PRC1: variants seen among roughly 807,000 people sequenced by gnomAD.
PRC1 encodes protein regulator of cytokinesis 1, also known as anaphase spindle elongation 1 homolog.
PRC1 carries 54 observed loss-of-function variants against 91.2 expected under a neutral mutation model. The ratio of observed to expected loss-of-function variants is 0.59; its 90% confidence interval spans 0.48 to 0.74. The LOEUF is 0.74. Ranked by LOEUF, PRC1 falls within the 30% of genes least tolerant of loss-of-function variation. The probability of loss-of-function intolerance (pLI) is 0.00; values close to 1 mark genes in which losing one functional copy is unlikely to be tolerated. For missense variants in PRC1, 727 were observed against 746.2 expected (o/e 0.97, Z 0.30); for synonymous variants, 275 against 263.6 (o/e 1.04, Z -0.42).
rs1230994920 is a variant in PRC1 at position 90,969,437 on chromosome 15, G to A, written c.1749+10C>T. The stretch of plus-strand genomic sequence containing the variant: ...CCAGAGACTGGTAGATATTAGAAAA[G>A]GTGAATTACCGCAAACTCAGAATAG... On this transcript the variant is annotated intron_variant, in intron 13 of 14. Transcript: ENST00000394249. The A allele has an allele frequency of 6.3e-7, 1 of 1,583,200 alleles. No homozygotes were observed.
intron 1 of PRC1, among the ~76,000 whole-genome samples, chr15:90,985,026 T>C (rs951521960): frequency 2.0e-5 from 3 of 152,166 alleles, no homozygotes; most frequent in East Asian, 1.9e-4. Context: ...CAAGATTTCA[T>C]ATCATATTAC....
At position 90,966,875 on chromosome 15, in the gene PRC1, C is replaced by T; in HGVS notation, c.*256G>A. The T allele has an allele frequency of 1.9e-6, 1 of 540,388 alleles. No homozygotes were observed. The highest frequency in any genetic ancestry group is 2.1e-5 in the South Asian group (1 of 47,588). 33.5% of individuals were successfully genotyped at this position (540,388 alleles called of 1,614,324 possible). On this transcript the variant is annotated 3_prime_UTR_variant, in exon 15 of 15. Transcript: ENST00000394249. ...GAATTATGTGGTAGAGAAGTCAGGC[C>T]CCATATGCTAAAATTTGCACTTCTT...
In PRC1 at chr15:90,981,657, C is replaced by G. The variant is rs2039205153; in HGVS notation, c.514G>C (p.Glu172Gln). The part of the protein sequence containing the change: ...TLRETKASRR[E>Q]EFVSIKRQII... ...TGTCTCTTTATACTGACAAACTCCT[C>G]ACGCCTAGAAGCCTTTAAAACAAAG... is the stretch of plus-strand genomic sequence containing the variant. Residue 172 changes from glutamate (E) to glutamine (Q), a missense_variant, in exon 5 of 15, where the codon GAG (glutamate) becomes CAG (glutamine). Transcript: ENST00000394249. 1.2e-6 allele frequency: 2 copies of G among 1,613,924 alleles called. No homozygotes were observed. Among genetic ancestry groups the G allele is most frequent in the African/African-American group, 2.7e-5 (2 of 74,934 alleles).
chr15:90,993,635 T>C (rs992636442), intron 1 of PRC1, among the ~76,000 whole-genome samples: 7 of 152,184 alleles, frequency 4.6e-5, no homozygotes, highest in Non-Finnish European at 8.8e-5. Context: ...CACCGTCTGG[T>C]CCCGATTTCA....
rs760759808 is a variant in PRC1 at position 90,981,599 on chromosome 15, G to T, written c.572C>A (p.Thr191Asn). The part of the protein sequence containing the change: ...IILCMEALDH[T>N]PDTSFERDVV... ...ATCTCTTTCAAAGCTTGTGTCTGGG[G>T]TGTGGTCTAATGCTTCCATACACAG... is the stretch of plus-strand genomic sequence containing the variant. Residue 191 changes from threonine to asparagine, a missense_variant, in exon 5 of 15, where the codon ACC becomes AAC. Physicochemically the swap from Thr to Asn is moderately conservative, Grantham distance 65. Coordinates refer to ENST00000394249, the MANE Select transcript of PRC1 (RefSeq NM_003981.4). 6.2e-7 allele frequency: 1 copy of T among 1,613,908 alleles called. No individual in the cohort carries two copies. The highest frequency in any genetic ancestry group is 1.1e-5 in the South Asian group (1 of 91,084).
chr15:90,979,089 G>A, intron 8 of PRC1, 69 bp downstream of exon 8: 4 of 1,523,280 alleles, frequency 2.6e-6, no homozygotes, highest in Non-Finnish European at 3.5e-6. Context: ...AAAGAACAAA[G>A]CTAACTGGAT....
At chr15:90,979,644 A>T (rs182315761) in intron 7 of PRC1, among the ~76,000 whole-genome samples, 66 of 152,330 alleles carry the variant, frequency 4.3e-4, no homozygotes, top group African/African-American at 1.5e-3. Context: ...ACATCTGTTG[A>T]ATTTAGTTGG....
At chr15:90,978,353 G>A (rs952750264) in intron 8 of PRC1, among the ~76,000 whole-genome samples, 1 of 152,186 alleles carries the variant, frequency 6.6e-6, no homozygotes, top group African/African-American at 2.4e-5. Flanking sequence ...TCACCAGCAG[G>A]TGACAGAGCA....
rs75192360 is a variant in PRC1, at chr15:90,975,821, C to T, written c.1203+855G>A. 4.0e-3 allele frequency among the ~76,000 whole-genome samples: 615 copies of T among 151,978 alleles called. 8 individuals are homozygous for T. The highest frequency in any genetic ancestry group is 0.014 in the African/African-American group (571 of 41,450). On this transcript the variant is annotated intron_variant, in intron 9 of 14. Transcript: ENST00000394249. ...CAACACAGCGAGACCCCATCTCTTG[C>T]GGGGGGAAAAAAGAAAGAATTAAGT...
rs921780164 is a variant in PRC1 at position 90,970,393 on chromosome 15, G to A, written c.1572+11C>T. 4 of 1,567,622 alleles carry A rather than the reference G, an allele frequency of 2.6e-6. No individual in the cohort carries two copies. Among genetic ancestry groups the A allele is most frequent in the Non-Finnish European group, 2.6e-6 (3 of 1,138,150 alleles). On this transcript the variant is annotated intron_variant, in intron 12 of 14. Transcript: ENST00000394249. ...CATGTGAGGATGTGCTTAGACACAG[G>A]GCATACTAACCTTGCTGCCAGAAGG...
rs1186419876 is a variant in PRC1 at position 90,990,365 on chromosome 15, AAAAT to A, written c.11+4038_11+4041del. On this transcript the variant is annotated intron_variant, in intron 1 of 14. Coordinates refer to ENST00000394249, the MANE Select transcript of PRC1 (RefSeq NM_003981.4). ...AATAAAATAAAATAAAATAAAAAAT[AAAAT>A]AAATAAATAAATAAATAAATAATTT... Among the ~76,000 whole-genome samples the A allele has an allele frequency of 4.4e-4, 64 of 146,788 alleles. No homozygotes were observed. The East Asian group carries it at 7.3e-3, about 17-fold the overall frequency.
At position 90,974,785 on chromosome 15, in the gene PRC1, C is replaced by T. The variant is rs2038525312; in HGVS notation, c.1204-54G>A. 1 of 1,595,360 alleles carries T rather than the reference C, an allele frequency of 6.3e-7. No homozygotes were observed. Among genetic ancestry groups the T allele is most frequent in the African/African-American group, 1.3e-5 (1 of 74,594 alleles). On this transcript the variant is annotated intron_variant, in intron 9 of 14. Transcript: ENST00000394249. This position sits in a 1 kb window ranked among gnomAD's most constrained non-coding sequence, Gnocchi z 4.6. ...TACTTCAACTCTTTAGTGCAAAGCC[C>T]AAATGAAATGATTTCCCTAGAGAGT...
In PRC1 at chr15:90,976,733, T is replaced by C; in HGVS notation, c.1146A>G (p.Gly382=). 6.2e-7 allele frequency: 1 copy of C among 1,613,896 alleles called. No individual in the cohort carries two copies. The highest frequency in any genetic ancestry group is 1.1e-5 in the South Asian group (1 of 91,048). ...GTTTTTCTTCTTTTAGAAGATTTCC[T>C]CCTCGGTTTGTAAATCGATTTGGAT... ...ASDPNRFTNR[G]GNLLKEEKQR... is the part of the protein sequence containing the mutation. Residue 382 remains glycine, a synonymous_variant, in exon 9 of 15, where the codon GGA becomes GGG. Coordinates refer to ENST00000394249, the MANE Select transcript of PRC1 (RefSeq NM_003981.4).
intron 9 of PRC1, among the ~76,000 whole-genome samples, chr15:90,975,063 G>A (rs2038551938): frequency 6.6e-6 from 1 of 152,160 alleles, no homozygotes; most frequent in African/African-American, 2.4e-5. Flanking sequence ...GACTTAATGG[G>A]GTTCAATCTG....
chr15:90,982,116 T>A, intron 3 of PRC1, 135 bp from the exon 4 acceptor site: 1 of 814,138 alleles, frequency 1.2e-6, no homozygotes, highest in Non-Finnish European at 2.0e-6. Context: ...GTCAACAGAA[T>A]ATGGCACAAA....
chr15:90,991,311 G>C (rs2039968970), intron 1 of PRC1, among the ~76,000 whole-genome samples: 1 of 151,672 alleles, frequency 6.6e-6, no homozygotes, highest in East Asian at 2.0e-4. Context: ...AGATACTCAG[G>C]AGGCTGAGGC....
Position 90,969,615 on chromosome 15 carries a change from A to T in PRC1, c.1581T>A (p.Ala527=). ...TTTTCTTCCCTGAACAGGTGGAAGC[A>T]GCGACTGGCTGCAGAGAAAGGAAAG... ...RLPPSGSKPV[A]ASTCSGKKTP... is the part of the protein sequence containing the mutation. The change falls in exon 13 of 15, where the codon GCT becomes GCA. Residue 527 remains alanine, a synonymous_variant. Coordinates refer to ENST00000394249, the MANE Select transcript of PRC1 (RefSeq NM_003981.4). The T allele has an allele frequency of 6.3e-7, 1 of 1,595,356 alleles. No homozygotes were observed. The highest frequency in any genetic ancestry group is 1.3e-5 in the African/African-American group (1 of 74,100).
Position 90,974,698 on chromosome 15 carries a change from A to C in PRC1, c.1237T>G (p.Trp413Gly). ...EEELKARIEL[W>G]EQEHSKAFMV... is the part of the protein sequence containing the mutation. Reference sequence around the variant, plus strand: ...AATGCCTTTGAATGTTCCTGTTCCCACAATTCAATTCGTGCCTTCAACTCT... The same window carrying C: ...AATGCCTTTGAATGTTCCTGTTCCCCCAATTCAATTCGTGCCTTCAACTCT... The change falls in exon 10 of 15, where the codon TGG becomes GGG. Residue 413 changes from tryptophan (W) to glycine (G), a missense_variant. Physicochemically the swap from Trp to Gly is radical, Grantham distance 184. Transcript: ENST00000394249. This position sits in a 1 kb window ranked among gnomAD's most constrained non-coding sequence, Gnocchi z 4.6. 1 of 1,614,222 alleles carries C rather than the reference A, an allele frequency of 6.2e-7. No individual in the cohort carries two copies. The highest frequency in any genetic ancestry group is 8.5e-7 in the Non-Finnish European group (1 of 1,180,048).
At chr15:90,980,181 G>A in intron 7 of PRC1, 61 bp downstream of exon 7, 6 of 1,482,934 alleles carry the variant, frequency 4.0e-6, no homozygotes, top group Non-Finnish European at 4.5e-6. Flanking sequence ...AGACTAGGCT[G>A]GGCAACAGAG....
Sources: gnomAD v4.1 joint callset for allele counts (sites outside exome capture counted in the v4.1 genomes callset) on GRCh38, gnomAD v4.1.1 for gene constraint, Gnocchi (gnomAD v3.1) non-coding constraint, MANE v1.5 for transcripts, NCBI Gene and HGNC (gene_info 2026-07-23, HGNC 2026-07-21) for gene names.